Variants in ZFHX4 observed in about 807,000 individuals in gnomAD.
The protein encoded by ZFHX4 is zinc finger homeobox protein 4.
ZFHX4 carries 56 observed loss-of-function variants against 267.6 expected under a neutral mutation model. That is an observed-to-expected ratio of 0.21 (90% CI 0.17 to 0.26). The LOEUF (loss-of-function observed/expected upper bound fraction) is 0.26. ZFHX4 is among the 10% of genes least tolerant of loss of function. The probability of loss-of-function intolerance (pLI) is 1.00; values close to 1 mark genes in which losing one functional copy is unlikely to be tolerated. For synonymous variants in ZFHX4, 1,778 were observed against 1,665.6 expected (o/e 1.07, Z -1.64); for missense variants, 4,332 against 4,420.0 (o/e 0.98, Z 0.56).
chr8:76,823,411 A>G (rs1811705414), intron 4 of ZFHX4, among the ~76,000 whole-genome samples: 1 of 152,202 alleles, frequency 6.6e-6, no homozygotes, highest in African/African-American at 2.4e-5. Flanking sequence ...TTAAATAAAC[A>G]TTTCATGGAT....
intron 4 of ZFHX4, among the ~76,000 whole-genome samples, chr8:76,828,544 A>T (rs1248908377): frequency 1.3e-5 from 2 of 152,222 alleles, no homozygotes; most frequent in East Asian, 3.8e-4. Flanking sequence ...CTAGCACCTA[A>T]CAAGTTTCCA....
chr8:76,823,207 A>G (rs1311003082), intron 4 of ZFHX4, among the ~76,000 whole-genome samples: 1 of 151,198 alleles, frequency 6.6e-6, no homozygotes, highest in African/African-American at 2.4e-5. Flanking sequence ...AGAAGAAAAT[A>G]TGATCATGGC....
chr8:76,853,822 A>G lies in ZFHX4; in HGVS notation c.6901A>G (p.Asn2301Asp). Reference protein sequence around the residue: ...TKDNEKRELTNERYIRTSNMQ... With the variant: ...TKDNEKRELTDERYIRTSNMQ... ...AGATAATGAAAAAAGAGAACTCACT[A>G]ATGAACGGTACATTCGAACAAGCAA... Residue 2301 changes from asparagine to aspartate, a missense_variant, in exon 10 of 11, where the codon AAT becomes GAT. By Grantham distance (23) the Asn-to-Asp change is conservative. Around this residue, in one of 7 missense-constraint regions of ZFHX4, gnomAD observed 1,648 missense variants for 1,625.0 expected, o/e 1.01. Coordinates refer to ENST00000651372, the MANE Select transcript of ZFHX4 (RefSeq NM_024721.5). 1 of 1,613,922 alleles carries G rather than the reference A, an allele frequency of 6.2e-7. No individual in the cohort carries two copies. Among genetic ancestry groups the G allele is most frequent in the Non-Finnish European group, 8.5e-7 (1 of 1,179,862 alleles).
intron 5 of ZFHX4, among the ~76,000 whole-genome samples, chr8:76,835,253 A>ATATATATATATATGTATATATATGTG (rs1491051291): frequency 7.3e-6 from 1 of 136,724 alleles, no homozygotes; most frequent in East Asian, 2.1e-4. Flanking sequence ...ATATATATAT[A>ATATATATATATATGTATATATATGTG]TATATATTCA....
chr8:76,731,560 A>G (rs149863816), intron 3 of ZFHX4, among the ~76,000 whole-genome samples: 1 of 152,302 alleles, frequency 6.6e-6, no homozygotes, highest in East Asian at 1.9e-4. Context: ...TTGAGTGAAT[A>G]AAAGAGCTGC....
intron 3 of ZFHX4, among the ~76,000 whole-genome samples, chr8:76,713,890 A>G (rs1257457534): frequency 6.7e-6 from 1 of 150,352 alleles, no homozygotes; most frequent in Non-Finnish European, 1.5e-5. Context: ...ACTCCTGAAC[A>G]CACACACACA....
chr8:76,813,538 C>T (rs868742996), intron 4 of ZFHX4, among the ~76,000 whole-genome samples: 26 of 152,122 alleles, frequency 1.7e-4, no homozygotes, highest in African/African-American at 5.5e-4. Context: ...TTGAGTTTGG[C>T]TTTCAAATCA....
At chr8:76,684,669 G>A (rs1807646249) in intron 1 of ZFHX4, among the ~76,000 whole-genome samples, 2 of 152,174 alleles carry the variant, frequency 1.3e-5, no homozygotes, top group African/African-American at 4.8e-5. Context: ...GGGTTAGACA[G>A]GGATAGTGGA....
chr8:76,854,134 A>G lies in ZFHX4; in HGVS notation c.7213A>G (p.Lys2405Glu). The change falls in exon 10 of 11, where the codon AAA becomes GAA. Residue 2405 changes from lysine to glutamate, a missense_variant. Lys to Glu is a moderately conservative substitution (Grantham distance 56). Transcript: ENST00000651372. Reference protein sequence around the residue: ...PKPEPEKTSPKPEYPAEKPKQ... With the variant: ...PKPEPEKTSPEPEYPAEKPKQ... ...ACCAGAACCTGAGAAGACTTCTCCA[A>G]AACCTGAATATCCCGCAGAAAAGCC... is the stretch of plus-strand genomic sequence containing the variant. 1 of 1,612,740 alleles carries G rather than the reference A, an allele frequency of 6.2e-7. No individual in the cohort carries two copies. Among genetic ancestry groups the G allele is most frequent in the Non-Finnish European group, 8.5e-7 (1 of 1,179,294 alleles).
intron 4 of ZFHX4, among the ~76,000 whole-genome samples, chr8:76,806,234 A>T (rs1005940087): frequency 1.3e-5 from 2 of 152,124 alleles, no homozygotes; most frequent in African/African-American, 4.8e-5. Flanking sequence ...AAAAGACAAG[A>T]TGCCTAGCTC....
At chr8:76,840,966 G>A (rs1399121035) in intron 5 of ZFHX4, among the ~76,000 whole-genome samples, 3 of 152,176 alleles carry the variant, frequency 2.0e-5, no homozygotes, top group East Asian at 1.9e-4. Context: ...GCAGGCTAGC[G>A]CCAGAAGAGG....
chr8:76,825,055 A>G (rs192872034), intron 4 of ZFHX4, among the ~76,000 whole-genome samples: 65 of 152,324 alleles, frequency 4.3e-4, no homozygotes, highest in Non-Finnish European at 6.5e-4. Context: ...AATAATAGTG[A>G]TATTTTAAAG....
intron 3 of ZFHX4, among the ~76,000 whole-genome samples, chr8:76,768,836 G>C (rs962528263): frequency 6.6e-6 from 1 of 152,084 alleles, no homozygotes; most frequent in Non-Finnish European, 1.5e-5. Flanking sequence ...AATAATAGAA[G>C]GGGGCTTGAT....
At position 76,863,226 on chromosome 8, in the gene ZFHX4, CTCCTCCTTCA is replaced by C; in HGVS notation, c.9518_9527del (p.Pro3173LeufsTer24). On this transcript the variant is annotated frameshift_variant, in exon 11 of 11. Coordinates refer to ENST00000651372, the MANE Select transcript of ZFHX4 (RefSeq NM_024721.5). LOFTEE classifies it high-confidence loss of function. ...CCACCTCCACCACCTCCTCCTCCTC[CTCCTCCTTCA>C]TCCTCTCTGTCAGGACAGCAGACCG... 1 of 1,586,284 alleles carries C rather than the reference CTCCTCCTTCA, an allele frequency of 6.3e-7. No homozygotes were observed. The highest frequency in any genetic ancestry group is 8.6e-7 in the Non-Finnish European group (1 of 1,165,810).
chr8:76,687,500 T>C (rs1221371968), intron 1 of ZFHX4, among the ~76,000 whole-genome samples: 1 of 152,202 alleles, frequency 6.6e-6, no homozygotes, highest in Non-Finnish European at 1.5e-5. Context: ...TTGTTTCTGA[T>C]TAATAGACCA....
rs762535666 is a variant in ZFHX4 at position 76,704,426 on chromosome 8, A to G, written c.338A>G (p.Glu113Gly). Residue 113 changes from glutamate to glycine, a missense_variant, in exon 2 of 11, where the codon GAG becomes GGG. Transcript: ENST00000651372. ...ARLPVLKDDN[E>G]SEISELEDSD... is the part of the protein sequence containing the mutation. The stretch of plus-strand genomic sequence containing the variant: ...CTTCCTGTCCTGAAGGATGACAACG[A>G]GAGCGAGATCAGCGAGTTAGAGGAC... The G allele has an allele frequency of 6.2e-6, 10 of 1,613,914 alleles. No individual in the cohort carries two copies. The highest frequency in any genetic ancestry group is 4.0e-5 in the African/African-American group (3 of 74,914).
intron 3 of ZFHX4, among the ~76,000 whole-genome samples, chr8:76,752,971 G>A (rs980251116): frequency 6.6e-6 from 1 of 152,072 alleles, no homozygotes; most frequent in African/African-American, 2.4e-5. Flanking sequence ...TTTTGTTTTT[G>A]TGTTGTTTTA....
At chr8:76,846,833 T>G (rs1305733330) in intron 6 of ZFHX4, among the ~76,000 whole-genome samples, 1 of 152,106 alleles carries the variant, frequency 6.6e-6, no homozygotes, top group Non-Finnish European at 1.5e-5. Flanking sequence ...AGATTTATTC[T>G]ATTACTGATG....
At chr8:76,827,076 T>A (rs888942725) in intron 4 of ZFHX4, among the ~76,000 whole-genome samples, 1 of 152,218 alleles carries the variant, frequency 6.6e-6, no homozygotes, top group Non-Finnish European at 1.5e-5. Flanking sequence ...TTTTGATGAA[T>A]CCCATAAGGC....
Sources: allele counts gnomAD v4.1 joint callset (sites outside exome capture counted in the v4.1 genomes callset), GRCh38; gene constraint gnomAD v4.1.1; regional missense constraint gnomAD v4.1.1; transcripts MANE v1.5; gene names NCBI Gene and HGNC (gene_info 2026-07-23, HGNC 2026-07-21).